The following DOCK6 variants were observed in gnomAD, a reference collection of about 807,000 sequenced individuals.
The protein encoded by DOCK6 is dedicator of cytokinesis protein 6.
DOCK6 carries 167 observed loss-of-function variants against 230.3 expected under a neutral mutation model. That is an observed-to-expected ratio of 0.73 (90% confidence interval 0.64 to 0.82). The LOEUF (loss-of-function observed/expected upper bound fraction) is 0.82, where lower values mean the gene tolerates loss of function less well. Ranked by LOEUF, DOCK6 falls within the 40% of genes least tolerant of loss-of-function variation. The pLI is 0.00. For missense variants in DOCK6, 2,598 were observed against 2,825.8 expected (o/e 0.92, Z 1.83); for synonymous variants, 1,148 against 1,185.0 (o/e 0.97, Z 0.64).
intron 41 of DOCK6, 44 bp downstream of exon 41, chr19:11,204,037 C>T (rs201016446): frequency 1.8e-5 from 28 of 1,549,058 alleles, no homozygotes; most frequent in Middle Eastern, 2.3e-4. Flanking sequence ...CCAGTCATCA[C>T]GGGGGTCCCA....
Position 11,232,216 on chromosome 19 carries a change from G to A in DOCK6, c.2718+987C>T, listed in dbSNP as rs546483832. The stretch of plus-strand genomic sequence containing the variant: ...GGGGTCGGCCCCACAATAAGGGGGC[G>A]CCCGCCGCAGCACAGCCTTACTGCC... On this transcript the variant is annotated intron_variant, in intron 22 of 47. Coordinates refer to ENST00000294618, the MANE Select transcript of DOCK6 (RefSeq NM_020812.4). The A allele has an allele frequency of 8.9e-4, 1,153 of 1,288,500 alleles. 2 individuals are homozygous for A. Among genetic ancestry groups the A allele is most frequent in the Non-Finnish European group, 1.1e-3 (1,042 of 988,252 alleles). 79.8% of individuals were successfully genotyped at this position (1,288,500 alleles called of 1,614,324 possible).
rs371400327 is a variant in DOCK6 at position 11,252,975 on chromosome 19, T to G, written c.133-17A>C. The G allele has an allele frequency of 7.5e-6, 12 of 1,592,554 alleles. No individual in the cohort carries two copies. Among genetic ancestry groups the G allele is most frequent in the Non-Finnish European group, 8.6e-6 (10 of 1,169,236 alleles). On this transcript the variant is annotated splice_polypyrimidine_tract_variant and intron_variant, in intron 2 of 47. Coordinates refer to ENST00000294618, the MANE Select transcript of DOCK6 (RefSeq NM_020812.4). Reference sequence around the variant, plus strand: ...CAGTGGGACCTGGATTGGAGCAAAGTGGCTGTGATCGCACTACCTAGGAGG... The same window carrying G: ...CAGTGGGACCTGGATTGGAGCAAAGGGGCTGTGATCGCACTACCTAGGAGG...
intron 37 of DOCK6, 63 bp from the exon 38 acceptor site, chr19:11,209,166 C>T: frequency 6.5e-7 from 1 of 1,540,504 alleles, no homozygotes; most frequent in South Asian, 1.2e-5. Context: ...ACCTGCCTCC[C>T]ACTTGTCCAT....
rs548919011 is a variant in DOCK6 at position 11,216,851 on chromosome 19, G to A, written c.3894+63C>T. ...CCCCTTCCCACTCAGCCCGCAGCAC[G>A]CTGGGTCCCTGGGTACATCCTTAGC... On this transcript the variant is annotated intron_variant, in intron 30 of 47. Coordinates refer to ENST00000294618, the MANE Select transcript of DOCK6 (RefSeq NM_020812.4). The A allele has an allele frequency of 1.7e-4, 267 of 1,556,154 alleles. 1 individual carries two copies. Among genetic ancestry groups the A allele is most frequent in the Non-Finnish European group, 2.1e-4 (241 of 1,128,148 alleles).
intron 7 of DOCK6, among the ~76,000 whole-genome samples, chr19:11,246,193 A>G (rs2080030957): frequency 6.6e-6 from 1 of 151,144 alleles, no homozygotes; most frequent in South Asian, 2.1e-4. Context: ...CAGCCTCCTG[A>G]GTAGCTGGGA....
At chr19:11,215,250 G>A (rs1014971685) in intron 32 of DOCK6, 137 bp downstream of exon 32, 14 of 724,450 alleles carry the variant, frequency 1.9e-5, no homozygotes, top group Middle Eastern at 2.7e-4. Flanking sequence ...GCCCATGCCC[G>A]GCTAATTTTT....
chr19:11,205,173 T>C (rs534931084), intron 39 of DOCK6, among the ~76,000 whole-genome samples: 2 of 152,180 alleles, frequency 1.3e-5, no homozygotes, highest in Non-Finnish European at 2.9e-5. Flanking sequence ...CACCCCCTGG[T>C]TTCTTCCCCT....
At chr19:11,215,165 G>C (rs957190453) in intron 32 of DOCK6, among the ~76,000 whole-genome samples, 1 of 151,612 alleles carries the variant, frequency 6.6e-6, no homozygotes. Flanking sequence ...GGATGGTCTC[G>C]ATCTCCTGAT....
chr19:11,217,380 G>A lies in DOCK6; in HGVS notation c.3562C>T (p.Gln1188Ter), dbSNP rs372751467. Residue 1188 changes from glutamine (Q) to a stop codon, truncating the protein, a stop_gained, in exon 29 of 48, where the codon CAG (glutamine) becomes TAG (stop). Transcript: ENST00000294618. LOFTEE classifies it high-confidence loss of function. ...AGCATTGAGGCCAGTCTTGACCGCT[G>A]ACCTGGGCCCTCTGGCAGGGAAAGA... is the stretch of plus-strand genomic sequence containing the variant. ...RLHDFAEGPG[Q>*]RSRLASMLDS... The A allele has an allele frequency of 1.7e-5, 28 of 1,612,982 alleles. No individual in the cohort carries two copies. Among genetic ancestry groups the A allele is most frequent in the Admixed American group, 5.0e-5 (3 of 59,848 alleles).
chr19:11,259,859 G>GAC lies in DOCK6; in HGVS notation c.44+2536_44+2537dup, dbSNP rs771481441. On this transcript the variant is annotated intron_variant, in intron 1 of 47. Transcript: ENST00000294618. Reference sequence around the variant, plus strand: ...CGGCCTCCCAAAGTCTGGGATTACAGACCTGGGCCGCCGCGCCCGGCCTTT... The same window carrying GAC: ...CGGCCTCCCAAAGTCTGGGATTACAGACACCTGGGCCGCCGCGCCCGGCCTTT... Among the ~76,000 whole-genome samples the GAC allele has an allele frequency of 1.0e-4, 15 of 145,586 alleles. No individual in the cohort carries two copies. The South Asian group carries it at 3.3e-3, about 32-fold the overall frequency.
intron 1 of DOCK6, among the ~76,000 whole-genome samples, chr19:11,256,322 C>G (rs566123007): frequency 3.9e-5 from 6 of 152,210 alleles, no homozygotes; most frequent in Non-Finnish European, 8.8e-5. Flanking sequence ...GCAGCTGCTG[C>G]TCCAGAGGAG....
At chr19:11,233,434 T>C in intron 21 of DOCK6, 68 bp from the exon 22 acceptor site, 1 of 1,536,450 alleles carries the variant, frequency 6.5e-7, no homozygotes, top group Non-Finnish European at 8.8e-7. Context: ...CCCTTCCTAC[T>C]CAGCTAATCT....
intron 1 of DOCK6, among the ~76,000 whole-genome samples, chr19:11,254,974 C>A (rs2043301): frequency 0.23 from 35,078 of 152,060 alleles, 4,463 homozygotes; most frequent in East Asian, 0.4. Flanking sequence ...TGTGTGTCCC[C>A]CAAAGAGGGC....
At chr19:11,262,093 C>G (rs772329431) in intron 1 of DOCK6, among the ~76,000 whole-genome samples, 7 of 152,010 alleles carry the variant, frequency 4.6e-5, no homozygotes, top group Non-Finnish European at 8.8e-5. Flanking sequence ...GCCCGTCATC[C>G]GCATCCCCAC....
rs1272026581 is a variant in DOCK6 at position 11,236,727 on chromosome 19, TACTC to T, written c.2160+62_2160+65del. ...GACCTCCCCGGCCATCGGCAACTGT[TACTC>T]AATCGTAGGGCAGGCAAGAGGGGAG... On this transcript the variant is annotated intron_variant, in intron 19 of 47. Transcript: ENST00000294618. This position sits in a 1 kb window ranked among gnomAD's most constrained non-coding sequence, Gnocchi z 5.2. 1.4e-5 allele frequency: 21 copies of T among 1,540,152 alleles called. No homozygotes were observed. Among genetic ancestry groups the T allele is most frequent in the Non-Finnish European group, 1.7e-5 (19 of 1,137,762 alleles).
In DOCK6 at chr19:11,200,400, C is replaced by G. The variant is rs1377718277; in HGVS notation, c.6009G>C (p.Leu2003=). The change falls in exon 47 of 48, where the codon CTG becomes CTC. Residue 2003 remains leucine (L), a synonymous_variant. Coordinates refer to ENST00000294618, the MANE Select transcript of DOCK6 (RefSeq NM_020812.4). The surrounding 1 kb of genome is among the most constrained non-coding windows in gnomAD (Gnocchi z 4.3). The part of the protein sequence containing the change: ...GPDQKEYHRE[L]ERNYCRLREA... ...CCCGCAGGCGGCAGTAGTTGCGCTC[C>G]AGCTCACGGTGGTACTCCTTCTGGT... 1 of 1,608,768 alleles carries G rather than the reference C, an allele frequency of 6.2e-7. No homozygotes were observed. Among genetic ancestry groups the G allele is most frequent in the Admixed American group, 1.7e-5 (1 of 59,384 alleles).
intron 22 of DOCK6, 130 bp from the exon 23 acceptor site, chr19:11,229,165 G>T: frequency 8.3e-7 from 1 of 1,209,216 alleles, no homozygotes; most frequent in South Asian, 1.5e-5. Context: ...CAGGAGGAGG[G>T]GGACAAGAGG....
chr19:11,257,406 C>T (rs1447721255), intron 1 of DOCK6, among the ~76,000 whole-genome samples: 4 of 147,330 alleles, frequency 2.7e-5, no homozygotes, highest in African/African-American at 7.5e-5. Context: ...GCGGGAGGAT[C>T]GCTTGAGCCC....
intron 14 of DOCK6, chr19:11,240,205 A>G (rs1177666645): frequency 1.3e-6 from 2 of 1,561,194 alleles, no homozygotes; most frequent in African/African-American, 2.7e-5. Context: ...GCCCAGGCAC[A>G]GAAGGTGCTA....
Sources: gnomAD v4.1 joint callset for allele counts (sites outside exome capture counted in the v4.1 genomes callset) on GRCh38, gnomAD v4.1.1 for gene constraint, Gnocchi (gnomAD v3.1) non-coding constraint, MANE v1.5 for transcripts, NCBI Gene and HGNC (gene_info 2026-07-23, HGNC 2026-07-21) for gene names.